The following PREPL variants were observed in gnomAD, a reference collection of about 807,000 sequenced individuals.
PREPL encodes prolyl endopeptidase-like.
In PREPL, 77 loss-of-function variants were observed where a neutral mutation model predicts 70.6. The observed-to-expected ratio is 1.09, with a 90% confidence interval of 0.91 to 1.32. PREPL has a LOEUF of 1.32. Ranked by LOEUF, PREPL falls within the 40% of genes most tolerant of loss-of-function variation. PREPL has a pLI of 0.00. For synonymous variants in PREPL, 315 were observed against 264.8 expected, an observed-to-expected ratio of 1.19 and a Z score of -1.84; for missense variants, 1,002 against 778.2, an observed-to-expected ratio of 1.29 and a Z score of -3.42.
At chr2:44,327,997 A>G (rs1673693422) in intron 9 of PREPL, among the ~76,000 whole-genome samples, 2 of 151,440 alleles carry the variant, frequency 1.3e-5, no homozygotes, top group South Asian at 4.2e-4. Flanking sequence ...TAAAATACAA[A>G]AAAATCGGGC....
intron 5 of PREPL, among the ~76,000 whole-genome samples, chr2:44,339,675 A>T (rs1020397081): frequency 2.0e-5 from 3 of 152,216 alleles, no homozygotes; most frequent in Non-Finnish European, 2.9e-5. Context: ...ACTTTATTAC[A>T]TATCTATGCA....
intron 7 of PREPL, among the ~76,000 whole-genome samples, chr2:44,335,401 T>C (rs1450976383): frequency 6.6e-6 from 1 of 152,214 alleles, no homozygotes; most frequent in Non-Finnish European, 1.5e-5. Context: ...TTCTCTCCCA[T>C]TCTTATTCAT....
chr2:44,341,521 C>T (rs963033424), intron 5 of PREPL, among the ~76,000 whole-genome samples: 1 of 151,830 alleles, frequency 6.6e-6, no homozygotes, highest in African/African-American at 2.4e-5. Context: ...TTGGTGATGA[C>T]AAATTAAAAA....
intron 7 of PREPL, among the ~76,000 whole-genome samples, chr2:44,334,894 G>A (rs1356623855): frequency 6.6e-6 from 1 of 152,118 alleles, no homozygotes; most frequent in Non-Finnish European, 1.5e-5. Context: ...TTAATCAAGT[G>A]CCCACCAGGC....
intron 10 of PREPL, among the ~76,000 whole-genome samples, chr2:44,325,408 G>A (rs1673397319): frequency 6.6e-6 from 1 of 152,168 alleles, no homozygotes; most frequent in South Asian, 2.1e-4. Context: ...TATGCCTTTG[G>A]CTCTGAAGCC....
In PREPL at chr2:44,318,186, G is replaced by A; in HGVS notation, c.*3170C>T. On this transcript the variant is annotated 3_prime_UTR_variant, in exon 14 of 14. Transcript: ENST00000409411. Reference sequence around the variant, plus strand: ...GCACACTGCAGCCTCTGCTTCCTGGGTTCAAGTGATTCTCCTGCTGCAGCC... The same window carrying A: ...GCACACTGCAGCCTCTGCTTCCTGGATTCAAGTGATTCTCCTGCTGCAGCC... 2.4e-6 allele frequency: 1 copy of A among 421,932 alleles called. No individual in the cohort carries two copies. Among genetic ancestry groups the A allele is most frequent in the Admixed American group, 2.7e-5 (1 of 37,060 alleles). 26.1% of individuals were successfully genotyped at this position (421,932 alleles called of 1,614,324 possible). A position where few individuals can be genotyped will look rare whatever the true frequency, so the allele number is the denominator to read the frequency against.
intron 8 of PREPL, 47 bp downstream of exon 8, chr2:44,332,412 T>C (rs1321162676): frequency 6.6e-7 from 1 of 1,508,050 alleles, no homozygotes; most frequent in East Asian, 2.3e-5. Context: ...TGGCAAACGG[T>C]ATGCTTTCAG....
chr2:44,339,916 G>A (rs773471483), intron 5 of PREPL, among the ~76,000 whole-genome samples: 9 of 151,890 alleles, frequency 5.9e-5, no homozygotes, highest in Admixed American at 1.3e-4. Context: ...AATAGAATAG[G>A]AAGAAAACCC....
intron 5 of PREPL, 22 bp downstream of exon 5, chr2:44,342,395 T>C: frequency 2.5e-6 from 4 of 1,577,448 alleles, no homozygotes; most frequent in Non-Finnish European, 3.5e-6. Flanking sequence ...GAGAGAAAGA[T>C]TTAATTATAT....
chr2:44,321,940 G>T, intron 12 of PREPL, 40 bp from the exon 13 acceptor site: 1 of 1,574,866 alleles, frequency 6.3e-7, no homozygotes. Context: ...AAGATTGTAT[G>T]GGATCTTCTT....
chr2:44,328,010 G>C (rs556398103), intron 9 of PREPL, among the ~76,000 whole-genome samples: 3 of 150,400 alleles, frequency 2.0e-5, no homozygotes, highest in Non-Finnish European at 4.4e-5. Context: ...AATCGGGCTG[G>C]TACGGTGGCT....
intron 1 of PREPL, among the ~76,000 whole-genome samples, chr2:44,355,778 T>TATATATAC (rs1553363720): frequency 4.3e-5 from 2 of 46,512 alleles, no homozygotes; most frequent in Admixed American, 2.5e-4. Flanking sequence ...TATATATATA[T>TATATATAC]ACACACACAC....
intron 1 of PREPL, among the ~76,000 whole-genome samples, chr2:44,358,767 C>A (rs1277793211): frequency 1.3e-5 from 2 of 152,178 alleles, no homozygotes; most frequent in African/African-American, 4.8e-5. Context: ...AATACTCTGA[C>A]AGTGTCTTCC....
At chr2:44,334,087 A>G (rs1674393872) in intron 7 of PREPL, among the ~76,000 whole-genome samples, 1 of 152,248 alleles carries the variant, frequency 6.6e-6, no homozygotes, top group African/African-American at 2.4e-5. Flanking sequence ...AACTGTTTCA[A>G]GGCTATGGAC....
chr2:44,321,859 C>T lies in PREPL; in HGVS notation c.1795G>A (p.Gly599Ser), dbSNP rs1672990329. 1.9e-6 allele frequency: 3 copies of T among 1,613,668 alleles called. No homozygotes were observed. Among genetic ancestry groups the T allele is most frequent in the Non-Finnish European group, 2.5e-6 (3 of 1,179,678 alleles). Residue 599 changes from glycine (G) to serine (S), a missense_variant, in exon 13 of 14, where the codon GGC (glycine) becomes AGC (serine). By Grantham distance (56) the Gly-to-Ser change is moderately conservative (BLOSUM62 0). Transcript: ENST00000409411. Reference protein sequence around the residue: ...PNIILDIQPGGNHVIEDSHKK... With the variant: ...PNIILDIQPGSNHVIEDSHKK... ...TGAGAATCCTCAATTACATGATTGC[C>T]TCCAGGCTGAATATCTAGAATAATA...
chr2:44,350,281 G>A (rs187308070), intron 1 of PREPL, among the ~76,000 whole-genome samples: 1 of 151,994 alleles, frequency 6.6e-6, no homozygotes, highest in Non-Finnish European at 1.5e-5. Context: ...AAGAATGAAA[G>A]GATGGTCCAA....
In PREPL at chr2:44,359,574, G is replaced by A. The variant is rs749323802; in HGVS notation, c.-49+1806C>T. 15 of 1,613,026 alleles carry A rather than the reference G, an allele frequency of 9.3e-6. No homozygotes were observed. The highest frequency in any genetic ancestry group is 1.3e-5 in the African/African-American group (1 of 74,884). ...GGTTTATTCTGAAGACACTTGGTTA[G>A]GTGATATTTTTTCAATTTTATTCTA... On this transcript the variant is annotated intron_variant, in intron 1 of 13. Coordinates refer to ENST00000409411, the MANE Select transcript of PREPL (RefSeq NM_001171613.2).
At chr2:44,321,480 GC>G in intron 13 of PREPL, 35 bp from the exon 14 acceptor site, 1 of 1,594,458 alleles carries the variant, frequency 6.3e-7, no homozygotes, top group Non-Finnish European at 8.6e-7. Flanking sequence ...TAAATAGAAG[GC>G]CTTTGTAGTA....
chr2:44,329,408 A>C (rs1431169018), intron 8 of PREPL, among the ~76,000 whole-genome samples: 5 of 152,198 alleles, frequency 3.3e-5, no homozygotes, highest in Admixed American at 3.3e-4. Context: ...GTTCTTCACT[A>C]CCTACTATAA....
Sources: gnomAD v4.1 joint callset for allele counts (sites outside exome capture counted in the v4.1 genomes callset) on GRCh38, gnomAD v4.1.1 for gene constraint, MANE v1.5 for transcripts, NCBI Gene and HGNC (gene_info 2026-07-23, HGNC 2026-07-21) for gene names.